ZFR: variants seen among roughly 807,000 people sequenced by gnomAD.
ZFR encodes zinc finger RNA binding protein, also known as zinc finger RNA-binding protein.
A neutral mutation model predicts 130.7 loss-of-function variants in ZFR; 19 were observed. That is an observed-to-expected ratio of 0.15 (90% CI 0.10 to 0.21). ZFR has a LOEUF of 0.21. Among genes scored for constraint, ZFR ranks in the 10% least tolerant of loss-of-function variants. The pLI is 1.00. For missense variants in ZFR, 872 were observed against 1,321.5 expected (o/e 0.66, Z 5.27); for synonymous variants, 466 against 456.9 (o/e 1.02, Z -0.25).
At chr5:32,385,864 T>C (rs987038818) in intron 14 of ZFR, among the ~76,000 whole-genome samples, 1 of 152,112 alleles carries the variant, frequency 6.6e-6, no homozygotes, top group Non-Finnish European at 1.5e-5. Context: ...TATTTACCAT[T>C]GTTTGTATTG....
At position 32,440,696 on chromosome 5, in the gene ZFR, A is replaced by G. The variant is rs76771706; in HGVS notation, c.137+3533T>C. ...TACAAAACAGGAAAAAAAAAATTCC[A>G]TAGTTTATGGGACTTAGAACACAAG... On this transcript the variant is annotated intron_variant, in intron 2 of 19. Coordinates refer to ENST00000265069, the MANE Select transcript of ZFR (RefSeq NM_016107.5). Among the ~76,000 whole-genome samples the G allele has an allele frequency of 7.3e-3, 1,105 of 152,114 alleles. 17 individuals are homozygous for G. The highest frequency in any genetic ancestry group is 0.025 in the African/African-American group (1,053 of 41,496).
Position 32,364,065 on chromosome 5 carries a change from GA to G in ZFR, c.2948-21del. 6.2e-7 allele frequency: 1 copy of G among 1,610,756 alleles called. No individual in the cohort carries two copies. The highest frequency in any genetic ancestry group is 1.7e-5 in the Admixed American group (1 of 59,878). On this transcript the variant is annotated intron_variant, in intron 18 of 19. Transcript: ENST00000265069. Reference sequence around the variant, plus strand: ...GACTACCTACAGCAATCACCACAGGGAGAGGAAATTATTAGCATTGTCCACT... The same window carrying G: ...GACTACCTACAGCAATCACCACAGGGGAGGAAATTATTAGCATTGTCCACT...
chr5:32,444,267 G>A lies in ZFR; in HGVS notation c.99C>T (p.His33=), dbSNP rs1455976096. ...CAGCCGCCGCCGCCGCCGCCCCGCT[G>A]TGGGTGAATCCAAAGTAGTTGCCGG... is the stretch of plus-strand genomic sequence containing the variant. The part of the protein sequence containing the change: ...MATGNYFGFT[H]SGAAAAAAAA... The change falls in exon 2 of 20, where the codon CAC becomes CAT. Residue 33 remains histidine (H), a synonymous_variant. Coordinates refer to ENST00000265069, the MANE Select transcript of ZFR (RefSeq NM_016107.5). 1.9e-6 allele frequency: 3 copies of A among 1,564,038 alleles called. No individual in the cohort carries two copies. The highest frequency in any genetic ancestry group is 1.7e-6 in the Non-Finnish European group (2 of 1,156,178).
chr5:32,444,307 T>C lies in ZFR; in HGVS notation c.59A>G (p.Asp20Gly). The change falls in exon 2 of 20, where the codon GAT becomes GGT. Residue 20 changes from aspartate (D) to glycine (G), a missense_variant. Coordinates refer to ENST00000265069, the MANE Select transcript of ZFR (RefSeq NM_016107.5). ...GTAGTTGCCGGTCGCCATTTTGGCA[T>C]CTTCCCCCAGCCGGCTGGGCACTGC... ...FTYVPSRLGEDAKMATGNYFG... is the reference protein window; with the variant it reads ...FTYVPSRLGEGAKMATGNYFG... The C allele has an allele frequency of 6.5e-7, 1 of 1,544,520 alleles. No homozygotes were observed. The highest frequency in any genetic ancestry group is 8.7e-7 in the Non-Finnish European group (1 of 1,144,498).
intron 15 of ZFR, among the ~76,000 whole-genome samples, chr5:32,381,949 T>C (rs1752944476): frequency 6.6e-6 from 1 of 152,134 alleles, no homozygotes; most frequent in Non-Finnish European, 1.5e-5. Flanking sequence ...AAATGAACTA[T>C]TCTGTCAGGA....
chr5:32,383,540 T>C (rs1468242048), intron 15 of ZFR, among the ~76,000 whole-genome samples: 1 of 152,242 alleles, frequency 6.6e-6, no homozygotes, highest in African/African-American at 2.4e-5. Flanking sequence ...ATTTGGACAA[T>C]GTAATCATTT....
Position 32,415,103 on chromosome 5 carries a change from G to A in ZFR, c.650C>T (p.Thr217Ile). The A allele has an allele frequency of 6.2e-7, 1 of 1,614,150 alleles. No homozygotes were observed. Among genetic ancestry groups the A allele is most frequent in the Non-Finnish European group, 8.5e-7 (1 of 1,180,020 alleles). Reference sequence around the variant, plus strand: ...GAAAGTAGTGGTAGCTGGACTTGGTGTGGCTGGTTTTATGGCTGTCACTTG... The same window carrying A: ...GAAAGTAGTGGTAGCTGGACTTGGTATGGCTGGTTTTATGGCTGTCACTTG... Reference protein sequence around the residue: ...TRQVTAIKPATPSPATTTFSI... With the variant: ...TRQVTAIKPAIPSPATTTFSI... Residue 217 changes from threonine to isoleucine, a missense_variant, in exon 5 of 20, where the codon ACA becomes ATA. Physicochemically the swap from Thr to Ile is moderately conservative, Grantham distance 89. Transcript: ENST00000265069.
At chr5:32,359,971 A>G (rs906864771) in intron 19 of ZFR, among the ~76,000 whole-genome samples, 5 of 152,004 alleles carry the variant, frequency 3.3e-5, no homozygotes, top group African/African-American at 1.2e-4. Context: ...AAGAAAGAAA[A>G]ATTCCTTGTT....
At chr5:32,401,763 T>C (rs1424599974) in intron 8 of ZFR, among the ~76,000 whole-genome samples, 8 of 152,020 alleles carry the variant, frequency 5.3e-5, no homozygotes, top group Admixed American at 5.2e-4. Context: ...GGAGAATATG[T>C]TGAGATTGGG....
chr5:32,360,130 C>G (rs940155419), intron 19 of ZFR, among the ~76,000 whole-genome samples: 1 of 152,120 alleles, frequency 6.6e-6, no homozygotes, highest in Non-Finnish European at 1.5e-5. Flanking sequence ...TAGGGATATA[C>G]CCACTTAACC....
At chr5:32,371,994 T>C (rs1752677219) in intron 17 of ZFR, among the ~76,000 whole-genome samples, 1 of 152,176 alleles carries the variant, frequency 6.6e-6, no homozygotes, top group South Asian at 2.1e-4. Context: ...GAGCAAATCC[T>C]GCAAAGACAA....
intron 5 of ZFR, among the ~76,000 whole-genome samples, chr5:32,414,445 A>G (rs1044153720): frequency 3.3e-5 from 5 of 152,222 alleles, no homozygotes; most frequent in Admixed American, 6.5e-5. Context: ...GGAGAAATAT[A>G]TAATTATTTA....
chr5:32,375,943 G>T (rs567569400), intron 17 of ZFR, among the ~76,000 whole-genome samples: 1 of 151,704 alleles, frequency 6.6e-6, no homozygotes, highest in Non-Finnish European at 1.5e-5. Flanking sequence ...CTGAGTTCAA[G>T]TGATTCTCCT....
intron 5 of ZFR, among the ~76,000 whole-genome samples, chr5:32,408,323 A>AC (rs1459672365): frequency 5.0e-4 from 47 of 93,160 alleles, no homozygotes; most frequent in Middle Eastern, 5.7e-3. Context: ...TAAAAAAAAA[A>AC]AAAAAAAAAA....
chr5:32,368,849 A>C (rs112765030), intron 17 of ZFR, among the ~76,000 whole-genome samples: 2,856 of 152,316 alleles, frequency 0.019, 83 homozygotes, highest in African/African-American at 0.066. Flanking sequence ...CCCATTTTAC[A>C]AATTAAGATG....
rs1168392841 is a variant in ZFR at position 32,380,749 on chromosome 5, A to G, written c.2642-577T>C. ...CTGCAACCTCGGCCTCCTGGGTTCA[A>G]GCGATTCTCCTGTCTCAGCCTCCCA... On this transcript the variant is annotated intron_variant, in intron 15 of 19. Transcript: ENST00000265069. Among the ~76,000 whole-genome samples, 3 of 148,356 alleles carry G rather than the reference A, an allele frequency of 2.0e-5. No homozygotes were observed. The Admixed American group carries it at 2.1e-4, about 10-fold the overall frequency.
chr5:32,421,358 T>A (rs1753953498), intron 2 of ZFR, among the ~76,000 whole-genome samples: 1 of 152,202 alleles, frequency 6.6e-6, no homozygotes, highest in South Asian at 2.1e-4. Flanking sequence ...CAGTCTCTGA[T>A]TAATGGTCTA....
chr5:32,429,355 A>G (rs934000294), intron 2 of ZFR, among the ~76,000 whole-genome samples: 5 of 152,270 alleles, frequency 3.3e-5, no homozygotes, highest in Middle Eastern at 3.4e-3. Flanking sequence ...CTGGGTAAAG[A>G]AGAGAAAAGA....
chr5:32,413,380 G>A (rs898290947), intron 5 of ZFR, among the ~76,000 whole-genome samples: 3 of 152,086 alleles, frequency 2.0e-5, no homozygotes, highest in African/African-American at 4.8e-5. Flanking sequence ...TTTATAAACC[G>A]TATTTACACA....
Sources: gnomAD v4.1 joint callset for allele counts (sites outside exome capture counted in the v4.1 genomes callset) on GRCh38, gnomAD v4.1.1 for gene constraint, MANE v1.5 for transcripts, NCBI Gene and HGNC (gene_info 2026-07-23, HGNC 2026-07-21) for gene names.